The following MRPL44 variants were observed in gnomAD, a reference collection of about 807,000 sequenced individuals.
The protein encoded by MRPL44 is large ribosomal subunit protein mL44.
In MRPL44, 21 loss-of-function variants were observed where a neutral mutation model predicts 25.9. The observed-to-expected ratio is 0.81, with a 90% CI of 0.58 to 1.17. The LOEUF is 1.17. Ranked by LOEUF, MRPL44 falls within the 50% of genes most tolerant of loss-of-function variation. The pLI is 0.00. For missense variants in MRPL44, 410 were observed against 398.9 expected (o/e 1.03, Z -0.24); for synonymous variants, 169 against 151.0 (o/e 1.12, Z -0.87).
chr2:223,967,124 G>A lies in MRPL44; in HGVS notation c.*90G>A, dbSNP rs928509321. ...AGCCAGACATTTTCACAATTGTGAAGAAATAGATGTTTTGTTTCTGTTTTT... is the reference window on the plus strand; with the variant it reads ...AGCCAGACATTTTCACAATTGTGAAAAAATAGATGTTTTGTTTCTGTTTTT... On this transcript the variant is annotated 3_prime_UTR_variant, in exon 4 of 4. Transcript: ENST00000258383. 8 of 1,227,048 alleles carry A rather than the reference G, an allele frequency of 6.5e-6. No individual in the cohort carries two copies. Among genetic ancestry groups the A allele is most frequent in the Admixed American group, 2.6e-5 (1 of 37,988 alleles). 76.0% of individuals were successfully genotyped at this position (1,227,048 alleles called of 1,614,324 possible).
At chr2:223,958,842 TTTA>T (rs761021411) in intron 1 of MRPL44, among the ~76,000 whole-genome samples, 57 of 152,234 alleles carry the variant, frequency 3.7e-4, no homozygotes, top group Non-Finnish European at 8.8e-5. Flanking sequence ...TATTCTGTAG[TTTA>T]TTAAGTGTAC....
At chr2:223,953,205 G>A (rs1017710134), upstream of MRPL44, among the ~76,000 whole-genome samples, 6 of 150,814 alleles carry the variant, frequency 4.0e-5, no homozygotes, top group Non-Finnish European at 7.4e-5. Context: ...TGCTATCTTG[G>A]CTCACTGCAA....
Position 223,957,659 on chromosome 2 carries a change from C to T in MRPL44, c.179+8C>T. The T allele has an allele frequency of 6.2e-7, 1 of 1,601,844 alleles. No individual in the cohort carries two copies. Among genetic ancestry groups the T allele is most frequent in the South Asian group, 1.1e-5 (1 of 90,756 alleles). ...GCCGCCGCCCGTGCGCCGGTAGGAG[C>T]CACCTCGGGAAGAGGTCTCAGGGTG... On this transcript the variant is annotated splice_region_variant and intron_variant, in intron 1 of 3. Transcript: ENST00000258383.
rs75696641 is a variant in MRPL44, at chr2:223,963,779, T to A, written c.672T>A (p.Thr224=). The A allele has an allele frequency of 5.5e-3, 8,890 of 1,604,432 alleles. 48 individuals carry two copies. Among genetic ancestry groups the A allele is most frequent in the Non-Finnish European group, 6.4e-3 (7,505 of 1,176,598 alleles). The part of the protein sequence containing the change: ...FIRDFLITQM[T]GKELFEMWKI... Reference sequence around the variant, plus strand: ...AGGACTTCTTAATTACTCAAATGACTGGAAAAGAGCTCTTTGAGATGTGGA... The same window carrying A: ...AGGACTTCTTAATTACTCAAATGACAGGAAAAGAGCTCTTTGAGATGTGGA... The change falls in exon 3 of 4, where the codon ACT becomes ACA. Residue 224 remains threonine, a synonymous_variant. Coordinates refer to ENST00000258383, the MANE Select transcript of MRPL44 (RefSeq NM_022915.5).
upstream of MRPL44, among the ~76,000 whole-genome samples, chr2:223,954,946 A>AT (rs903261609): frequency 1.1e-4 from 16 of 152,168 alleles, no homozygotes; most frequent in East Asian, 1.2e-3. Context: ...ACATTGATGC[A>AT]TTTTTTTTGA....
In MRPL44 at chr2:223,966,940, GA is replaced by G; in HGVS notation, c.909del (p.Lys303AsnfsTer21). ...GAAGAGGCTGCTCGAGTGGCCCTTA[GA>G]AAACTTTATGGATTCACAGAAAATA... ...AEEEAARVAL[R>X]KLYGFTENRR... On this transcript the variant is annotated frameshift_variant, in exon 4 of 4. Transcript: ENST00000258383. LOFTEE classifies it low-confidence loss of function (END_TRUNC). 6.2e-7 allele frequency: 1 copy of G among 1,614,184 alleles called. No individual in the cohort carries two copies. The highest frequency in any genetic ancestry group is 8.5e-7 in the Non-Finnish European group (1 of 1,180,030).
At chr2:223,962,771 G>T (rs1333183743) in intron 2 of MRPL44, among the ~76,000 whole-genome samples, 1 of 152,002 alleles carries the variant, frequency 6.6e-6, no homozygotes, top group African/African-American at 2.4e-5. Flanking sequence ...GCATGATCTT[G>T]GCTCACTGCA....
Position 223,959,798 on chromosome 2 carries a change from G to GC in MRPL44, c.447dup (p.Thr150HisfsTer2). ...TTCTTGAAGACGAGTACCCAGACAT[G>GC]CCCACTGAAGGCATAAAAAATCTTG... On this transcript the variant is annotated frameshift_variant, in exon 2 of 4. Transcript: ENST00000258383. LOFTEE classifies it high-confidence loss of function. 6.2e-7 allele frequency: 1 copy of GC among 1,614,176 alleles called. No individual in the cohort carries two copies. Among genetic ancestry groups the GC allele is most frequent in the Non-Finnish European group, 8.5e-7 (1 of 1,180,042 alleles).
At chr2:223,959,217 A>G (rs1160615275) in intron 1 of MRPL44, among the ~76,000 whole-genome samples, 1 of 152,230 alleles carries the variant, frequency 6.6e-6, no homozygotes, top group East Asian at 1.9e-4. Flanking sequence ...AAAACATAGT[A>G]TCATGGTTAG....
At chr2:223,963,654 C>G (rs1420636379) in intron 2 of MRPL44, 102 bp from the exon 3 acceptor site, 6 of 678,884 alleles carry the variant, frequency 8.8e-6, no homozygotes, top group African/African-American at 1.9e-5. Context: ...TAAAAATGTA[C>G]TCTGTGGCTT....
chr2:223,966,729 T>TATCAGAGCTATTGTGTTAC (rs1438892200), intron 3 of MRPL44, 134 bp from the exon 4 acceptor site: 2 of 651,466 alleles, frequency 3.1e-6, no homozygotes, highest in Non-Finnish European at 4.9e-6. Flanking sequence ...AAAGATGATC[T>TATCAGAGCTATTGTGTTAC]ATCAGAGCTA....
At position 223,957,502 on chromosome 2, in the gene MRPL44, G is replaced by C. The variant is rs201475876; in HGVS notation, c.30G>C (p.Gln10His). The stretch of plus-strand genomic sequence containing the variant: ...CGTCCGGGCTGGTAAGATTGCTGCA[G>C]CAGGGACATCGCTGCCTCCTGGCTC... MASGLVRLL[Q>H]QGHRCLLAPV... The change falls in exon 1 of 4, where the codon CAG becomes CAC. Residue 10 changes from glutamine to histidine, a missense_variant. Coordinates refer to ENST00000258383, the MANE Select transcript of MRPL44 (RefSeq NM_022915.5). 7 of 1,614,136 alleles carry C rather than the reference G, an allele frequency of 4.3e-6. No homozygotes were observed. Among genetic ancestry groups the C allele is most frequent in the Admixed American group, 3.3e-5 (2 of 60,038 alleles).
chr2:223,957,721 G>T, intron 1 of MRPL44, 70 bp downstream of exon 1: 2 of 1,496,258 alleles, frequency 1.3e-6, no homozygotes, highest in South Asian at 1.2e-5. Flanking sequence ...CCGCGGCGTC[G>T]TGTCTGCGGC....
upstream of MRPL44, chr2:223,957,421 G>C: frequency 6.2e-7 from 1 of 1,606,046 alleles, no homozygotes; most frequent in African/African-American, 1.3e-5. Context: ...TGTGTTACGG[G>C]GACACTGGCC....
rs1273619609 is a variant in MRPL44, at chr2:223,967,182, C to A, written c.*148C>A. On this transcript the variant is annotated 3_prime_UTR_variant, in exon 4 of 4. Transcript: ENST00000258383. ...TTCCCAAAATTAAATAAGTGTTAAC[C>A]AAGTCACAGTGTTTTTGGTTTTGTT... 6.5e-6 allele frequency: 5 copies of A among 767,462 alleles called. No individual in the cohort carries two copies. Among genetic ancestry groups the A allele is most frequent in the Non-Finnish European group, 9.8e-6 (5 of 508,468 alleles). The allele number at this position is 767,462 out of a possible 1,614,324, so 47.5% of individuals were successfully genotyped here. A position where few individuals can be genotyped will look rare whatever the true frequency, so the allele number is the denominator to read the frequency against.
chr2:223,967,128 T>A lies in MRPL44; in HGVS notation c.*94T>A, dbSNP rs894050845. 10 of 1,216,450 alleles carry A rather than the reference T, an allele frequency of 8.2e-6. No individual in the cohort carries two copies. Among genetic ancestry groups the A allele is most frequent in the Admixed American group, 2.7e-5 (1 of 37,354 alleles). 75.4% of individuals were successfully genotyped at this position (1,216,450 alleles called of 1,614,324 possible). A position where few individuals can be genotyped will look rare whatever the true frequency, so the allele number is the denominator to read the frequency against. The stretch of plus-strand genomic sequence containing the variant: ...AGACATTTTCACAATTGTGAAGAAA[T>A]AGATGTTTTGTTTCTGTTTTTTACT... On this transcript the variant is annotated 3_prime_UTR_variant, in exon 4 of 4. Coordinates refer to ENST00000258383, the MANE Select transcript of MRPL44 (RefSeq NM_022915.5).
chr2:223,962,059 C>T (rs11675250), intron 2 of MRPL44, among the ~76,000 whole-genome samples: 59,323 of 151,864 alleles, frequency 0.39, 11,914 homozygotes, highest in Non-Finnish European at 0.44. Context: ...TTTTTCGAGG[C>T]AGCATCTCTG....
At chr2:223,953,206 C>T (rs2106113216), upstream of MRPL44, among the ~76,000 whole-genome samples, 1 of 150,706 alleles carries the variant, frequency 6.6e-6, no homozygotes, top group East Asian at 2.0e-4. Flanking sequence ...GCTATCTTGG[C>T]TCACTGCAAC....
At chr2:223,951,573 G>A in the MRPL44 span, among the ~76,000 whole-genome samples, 1 of 148,144 alleles carries the variant, frequency 6.8e-6, no homozygotes, top group African/African-American at 2.5e-5. Flanking sequence ...CTGCCTCCCT[G>A]GTTCAAATGA....
Sources: gnomAD v4.1 joint callset for allele counts (sites outside exome capture counted in the v4.1 genomes callset) on GRCh38, gnomAD v4.1.1 for gene constraint, MANE v1.5 for transcripts, NCBI Gene and HGNC (gene_info 2026-07-23, HGNC 2026-07-21) for gene names.